The following RGP1 variants were observed in gnomAD, a reference collection of about 807,000 sequenced individuals.
The protein encoded by RGP1 is RAB6A-GEF complex partner protein 2.
In RGP1, 28 loss-of-function variants were observed where a neutral mutation model predicts 44.5. The observed-to-expected ratio is 0.63, with a 90% CI of 0.47 to 0.86. RGP1 has a LOEUF of 0.86. Ranked by LOEUF, RGP1 falls within the 40% of genes least tolerant of loss-of-function variation. RGP1 has a pLI of 0.00. For synonymous variants in RGP1, 212 were observed against 196.7 expected (o/e 1.08, Z -0.65); for missense variants, 417 against 490.7 (o/e 0.85, Z 1.42).
the RGP1 span, among the ~76,000 whole-genome samples, chr9:35,779,643 G>C: frequency 6.6e-6 from 1 of 152,242 alleles, no homozygotes; most frequent in Non-Finnish European, 1.5e-5. Context: ...GAGGGTTAAA[G>C]AGATGGCTTG....
the RGP1 span, among the ~76,000 whole-genome samples, chr9:35,776,873 TA>T: frequency 1.3e-5 from 2 of 151,170 alleles, no homozygotes; most frequent in Admixed American, 6.6e-5. Context: ...CGGGCGACTG[TA>T]GTCCCAGCTA....
At chr9:35,780,413 C>T in the RGP1 span, 3 of 152,192 alleles carry the variant, frequency 2.0e-5, no homozygotes, top group Admixed American at 6.5e-5. Flanking sequence ...ACAAAGGAGA[C>T]ATTTGTCATG....
the RGP1 span, among the ~76,000 whole-genome samples, chr9:35,789,858 A>G: frequency 6.6e-6 from 1 of 152,196 alleles, no homozygotes; most frequent in Admixed American, 6.5e-5. Context: ...GCAACTAAAA[A>G]GCCATGTGGG....
the RGP1 span, among the ~76,000 whole-genome samples, chr9:35,779,789 T>C: frequency 6.6e-6 from 1 of 152,146 alleles, no homozygotes; most frequent in South Asian, 2.1e-4. Flanking sequence ...GGCTGGGGTA[T>C]AGTGTTGTGA....
Position 35,752,896 on chromosome 9 carries a change from G to A in RGP1, c.*22G>A, listed in dbSNP as rs760049994. On this transcript the variant is annotated 3_prime_UTR_variant, in exon 9 of 9. Coordinates refer to ENST00000378078, the MANE Select transcript of RGP1 (RefSeq NM_001080496.3). Reference sequence around the variant, plus strand: ...CTGAAACTGGCCCACCCTGGTGCTAGTTCCTTCCGGATACTGAGAACTCAG... The same window carrying A: ...CTGAAACTGGCCCACCCTGGTGCTAATTCCTTCCGGATACTGAGAACTCAG... 6.2e-7 allele frequency: 1 copy of A among 1,607,692 alleles called. No individual in the cohort carries two copies. The highest frequency in any genetic ancestry group is 8.5e-7 in the Non-Finnish European group (1 of 1,176,246).
At chr9:35,779,978 T>C in the RGP1 span, among the ~76,000 whole-genome samples, 6 of 152,212 alleles carry the variant, frequency 3.9e-5, no homozygotes, top group Non-Finnish European at 5.9e-5. Flanking sequence ...GCTCAAGTGA[T>C]CCTCCTGCCT....
At chr9:35,766,040 A>G in the RGP1 span, among the ~76,000 whole-genome samples, 14 of 150,902 alleles carry the variant, frequency 9.3e-5, no homozygotes, top group South Asian at 2.5e-3. Context: ...TCACCATGTT[A>G]GCCAGGATGA....
downstream of RGP1, among the ~76,000 whole-genome samples, chr9:35,760,680 A>G (rs1827410150): frequency 2.0e-5 from 3 of 152,228 alleles, no homozygotes; most frequent in Non-Finnish European, 4.4e-5. Flanking sequence ...CGCTGAAGGT[A>G]GAACCCAGAG....
the RGP1 span, among the ~76,000 whole-genome samples, chr9:35,784,112 T>C: frequency 6.6e-6 from 1 of 152,246 alleles, no homozygotes. Context: ...ATTTTGCCCA[T>C]TTAAAAATCA....
In RGP1 at chr9:35,756,721, A is replaced by C. The variant is rs1181298162; in HGVS notation, c.*3847A>C. 1 of 152,330 alleles carries C rather than the reference A, an allele frequency of 6.6e-6. No homozygotes were observed. Among genetic ancestry groups the C allele is most frequent in the East Asian group, 1.9e-4 (1 of 5,190 alleles). The allele number at this position is 152,330 out of a possible 1,614,324, so 9.4% of individuals were successfully genotyped here. ...TGCTCTTGCAAGCTAGAGCCAGCCC[A>C]ATAGGGGGCGGATGTGAGTGGGGAG... is the stretch of plus-strand genomic sequence containing the variant. On this transcript the variant is annotated 3_prime_UTR_variant, in exon 9 of 9. Coordinates refer to ENST00000378078, the MANE Select transcript of RGP1 (RefSeq NM_001080496.3).
At chr9:35,776,488 T>C in the RGP1 span, among the ~76,000 whole-genome samples, 1 of 152,080 alleles carries the variant, frequency 6.6e-6, no homozygotes, top group Non-Finnish European at 1.5e-5. Context: ...GGTTTCATTA[T>C]GTTGGCTAGG....
rs563113316 is a variant in RGP1 at position 35,751,833 on chromosome 9, G to A, written c.762+79G>A. ...GGGTGGAAGGCCTGTATAAAGAGGG[G>A]TGGCATGTAGAAGGGGATAGTGGGG... is the stretch of plus-strand genomic sequence containing the variant. On this transcript the variant is annotated intron_variant, in intron 7 of 8. Coordinates refer to ENST00000378078, the MANE Select transcript of RGP1 (RefSeq NM_001080496.3). The A allele has an allele frequency of 3.1e-6, 5 of 1,599,726 alleles. No individual in the cohort carries two copies. The African/African-American group carries it at 4.0e-5, about 13-fold the overall frequency.
chr9:35,761,591 T>C (rs918709470), downstream of RGP1, among the ~76,000 whole-genome samples: 6 of 152,088 alleles, frequency 3.9e-5, no homozygotes, highest in Admixed American at 6.6e-5. Flanking sequence ...AGAGAATCAC[T>C]TGAGCCTGGG....
In RGP1 at chr9:35,757,575, GGA is replaced by G. The variant is rs1827376572; in HGVS notation, c.*4704_*4705del. On this transcript the variant is annotated 3_prime_UTR_variant, in exon 9 of 9. Transcript: ENST00000378078. ...ACTGAGGGACCTGAGGAGGGAGGAG[GGA>G]GACCAACACAGGGTGGGAAGGCGGA... 2 of 153,034 alleles carry G rather than the reference GGA, an allele frequency of 1.3e-5. No individual in the cohort carries two copies. The highest frequency in any genetic ancestry group is 4.8e-5 in the African/African-American group (2 of 41,462). The allele number at this position is 153,034 out of a possible 1,614,324, so 9.5% of individuals were successfully genotyped here. A position where few individuals can be genotyped will look rare whatever the true frequency, so the allele number is the denominator to read the frequency against.
At chr9:35,763,629 C>T in the RGP1 span, among the ~76,000 whole-genome samples, 3 of 152,148 alleles carry the variant, frequency 2.0e-5, no homozygotes, top group Non-Finnish European at 2.9e-5. Flanking sequence ...CGCCTGTAAT[C>T]CCAGCACTTT....
At chr9:35,787,827 C>T in the RGP1 span, among the ~76,000 whole-genome samples, 1 of 152,220 alleles carries the variant, frequency 6.6e-6, no homozygotes, top group East Asian at 1.9e-4. Flanking sequence ...CTTATTTGAT[C>T]TACCTTTCTA....
chr9:35,749,592 A>C lies in RGP1; in HGVS notation c.-19-145A>C. 3 of 671,718 alleles carry C rather than the reference A, an allele frequency of 4.5e-6. No individual in the cohort carries two copies. 41.6% of individuals were successfully genotyped at this position (671,718 alleles called of 1,614,324 possible). On this transcript the variant is annotated intron_variant, in intron 1 of 8. Coordinates refer to ENST00000378078, the MANE Select transcript of RGP1 (RefSeq NM_001080496.3). This position sits in a 1 kb window ranked among gnomAD's most constrained non-coding sequence, Gnocchi z 4.4. Reference sequence around the variant, plus strand: ...CTGAGTCTTCAGTCGCCTCCCTCCCACCCGCCTACCCCTCCTATATCCAGG... The same window carrying C: ...CTGAGTCTTCAGTCGCCTCCCTCCCCCCCGCCTACCCCTCCTATATCCAGG...
chr9:35,777,056 G>A, the RGP1 span, among the ~76,000 whole-genome samples: 27 of 149,212 alleles, frequency 1.8e-4, no homozygotes, highest in African/African-American at 6.7e-4. Flanking sequence ...TCTTGGGCCA[G>A]ATATACCCCA....
chr9:35,753,824 C>T lies in RGP1; in HGVS notation c.*950C>T. The T allele has an allele frequency of 6.4e-7, 1 of 1,550,776 alleles. No homozygotes were observed. Among genetic ancestry groups the T allele is most frequent in the Non-Finnish European group, 8.9e-7 (1 of 1,125,348 alleles). On this transcript the variant is annotated 3_prime_UTR_variant, in exon 9 of 9. Transcript: ENST00000378078. This position sits in a 1 kb window ranked among gnomAD's most constrained non-coding sequence, Gnocchi z 4.2. ...TAGGAGTGCTGATGAGAGGCAGAGG[C>T]TCTTCTGGTCTGGGGTGGAGACAGT...
Sources: allele counts gnomAD v4.1 joint callset (sites outside exome capture counted in the v4.1 genomes callset), GRCh38; gene constraint gnomAD v4.1.1; non-coding constraint Gnocchi (gnomAD v3.1); transcripts MANE v1.5; gene names NCBI Gene and HGNC (gene_info 2026-07-23, HGNC 2026-07-21).